ARL17B: variants seen among roughly 807,000 people sequenced by gnomAD.
The protein encoded by ARL17B is ADP-ribosylation factor-like protein 17.
At chr17:46,316,623 AT>A (rs1376455756) in intron 3 of ARL17B, among the ~76,000 whole-genome samples, 6 of 72,388 alleles carry the variant, frequency 8.3e-5, no homozygotes, top group African/African-American at 1.1e-4. Flanking sequence ...GTTTTTTTTA[AT>A]TTTTTTTTAT....
chr17:46,280,649 T>C (rs117338824), intron 4 of ARL17B, among the ~76,000 whole-genome samples: 15,752 of 143,768 alleles, frequency 0.11, no homozygotes, highest in Non-Finnish European at 0.17. Flanking sequence ...TCTTGGCTCA[T>C]TGCAGCCTCT....
chr17:46,317,134 C>A (rs1204835833), intron 3 of ARL17B, among the ~76,000 whole-genome samples: 1 of 89,152 alleles, frequency 1.1e-5, no homozygotes, highest in Non-Finnish European at 3.3e-5. Context: ...GGGTACACCT[C>A]CCAGATGGGG....
At chr17:46,282,412 TG>T (rs1238830305) in intron 4 of ARL17B, among the ~76,000 whole-genome samples, 15,413 of 143,956 alleles carry the variant, frequency 0.11, 1 homozygote, top group Non-Finnish European at 0.16. Flanking sequence ...CTCAGTTTTT[TG>T]TTTGTTTTTT....
In ARL17B at chr17:46,317,088, G is replaced by A. The variant is rs1208000612; in HGVS notation, c.260-17423C>T. Among the ~76,000 whole-genome samples the A allele has an allele frequency of 3.7e-4, 31 of 84,036 alleles. 2 individuals carry two copies. Among genetic ancestry groups the A allele is most frequent in the African/African-American group, 8.7e-4 (28 of 32,348 alleles). The allele number at this position is 84,036 out of a possible 152,430, so 55.1% of individuals were successfully genotyped here. A position where few individuals can be genotyped will look rare whatever the true frequency, so the allele number is the denominator to read the frequency against. ...TCCCCCTTTTCTATTCAACAAAACC[G>A]CCATTGTCATCATGGCCCGTTCTCA... is the stretch of plus-strand genomic sequence containing the variant. On this transcript the variant is annotated intron_variant, in intron 3 of 4. Transcript: ENST00000434041.
At chr17:46,334,586 A>G (rs2052194971), downstream of ARL17B, 1 of 36,772 alleles carries the variant, frequency 2.7e-5, no homozygotes, top group Admixed American at 3.0e-4. Flanking sequence ...CAGGCAGCTA[A>G]TTTAAAAAAT....
intron 3 of ARL17B, among the ~76,000 whole-genome samples, chr17:46,312,705 G>A (rs373316670): frequency 1.4e-5 from 1 of 69,642 alleles, no homozygotes. Context: ...GGTCTTACAA[G>A]TTTTCATGCC....
At position 46,323,508 on chromosome 17, in the gene ARL17B, T is replaced by C. The variant is rs1306501775; in HGVS notation, c.260-23843A>G. Among the ~76,000 whole-genome samples, 3 of 93,844 alleles carry C rather than the reference T, an allele frequency of 3.2e-5. 1 individual carries two copies. Among genetic ancestry groups the C allele is most frequent in the African/African-American group, 1.0e-4 (3 of 28,952 alleles). The allele number at this position is 93,844 out of a possible 152,430, so 61.6% of individuals were successfully genotyped here. On this transcript the variant is annotated intron_variant, in intron 3 of 4. Coordinates refer to the ARL17B transcript ENST00000434041. ...ACCTCCCAGGTTCAAGTGGTTCTCC[T>C]GCCTCAGCCTTCCGAGTAGCTGGGA...
intron 4 of ARL17B, among the ~76,000 whole-genome samples, chr17:46,277,655 T>TCCTTCC (rs2049628421): frequency 9.0e-6 from 1 of 111,630 alleles, no homozygotes; most frequent in Non-Finnish European, 2.4e-5. Context: ...CTTTCTTTCT[T>TCCTTCC]TTTTTTTTTT....
chr17:46,280,824 T>C (rs1296874853), intron 4 of ARL17B, among the ~76,000 whole-genome samples: 1 of 152,226 alleles, frequency 6.6e-6, no homozygotes, highest in Non-Finnish European at 1.5e-5. Flanking sequence ...TCCATCCGTC[T>C]TTGCCTTCCA....
At chr17:46,289,711 GATT>G (rs1341184723) in intron 4 of ARL17B, among the ~76,000 whole-genome samples, 1 of 152,132 alleles carries the variant, frequency 6.6e-6, no homozygotes, top group Non-Finnish European at 1.5e-5. Context: ...GTTTCATCAT[GATT>G]ATTTTTCTTC....
At chr17:46,332,830 G>T, downstream of ARL17B, 5 of 395,850 alleles carry the variant, frequency 1.3e-5, no homozygotes, top group South Asian at 2.3e-5. Flanking sequence ...GTATATTTCA[G>T]GATTTTTAAA....
chr17:46,275,798 A>G (rs1485142767), intron 4 of ARL17B, among the ~76,000 whole-genome samples: 3 of 152,234 alleles, frequency 2.0e-5, no homozygotes, highest in East Asian at 1.9e-4. Context: ...ATATAAAGGG[A>G]AAAATTATGC....
At chr17:46,286,051 C>A (rs1421676516) in intron 4 of ARL17B, among the ~76,000 whole-genome samples, 1 of 152,212 alleles carries the variant, frequency 6.6e-6, no homozygotes, top group Non-Finnish European at 1.5e-5. Context: ...ATGCAGCACC[C>A]ATGGTACCAA....
chr17:46,278,268 C>T (rs2696531), intron 4 of ARL17B, among the ~76,000 whole-genome samples: 1 of 151,312 alleles, frequency 6.6e-6, no homozygotes, highest in African/African-American at 2.4e-5. Flanking sequence ...TTATACTGCT[C>T]TTTCTTGTTT....
chr17:46,280,549 T>A (rs2049734565), intron 4 of ARL17B, among the ~76,000 whole-genome samples: 1 of 150,180 alleles, frequency 6.7e-6, no homozygotes, highest in African/African-American at 2.5e-5. Flanking sequence ...AAAATTTGTT[T>A]CCTTATTTTT....
intron 4 of ARL17B, among the ~76,000 whole-genome samples, chr17:46,281,163 T>C (rs2049752580): frequency 6.6e-6 from 1 of 152,216 alleles, no homozygotes; most frequent in Non-Finnish European, 1.5e-5. Context: ...GTGATGTATG[T>C]AGGAGTGAGT....
chr17:46,277,764 A>G (rs2696535), intron 4 of ARL17B, among the ~76,000 whole-genome samples: 17,914 of 148,326 alleles, frequency 0.12, 2 homozygotes, highest in Middle Eastern at 0.18. Flanking sequence ...TTCCTGCCTC[A>G]GCCTCCCGAG....
At chr17:46,323,431 C>CT (rs1296999685) in intron 3 of ARL17B, among the ~76,000 whole-genome samples, 1 of 101,550 alleles carries the variant, frequency 9.8e-6, no homozygotes, top group African/African-American at 3.2e-5. Context: ...GAATCTCACT[C>CT]TGTCGCCCAG....
In ARL17B at chr17:46,314,593, G is replaced by A. The variant is rs1305369630; in HGVS notation, c.260-14928C>T. On this transcript the variant is annotated intron_variant, in intron 3 of 4. Coordinates refer to the ARL17B transcript ENST00000434041. ...CTGCTTCAGCCTCCCAAAATGCTGGGATTACAGGCATGAGCTACCATGCCC... is the reference window on the plus strand; with the variant it reads ...CTGCTTCAGCCTCCCAAAATGCTGGAATTACAGGCATGAGCTACCATGCCC... Among the ~76,000 whole-genome samples, 3 of 75,582 alleles carry A rather than the reference G, an allele frequency of 4.0e-5. 1 individual carries two copies. In the Admixed American group the frequency reaches 4.2e-4, roughly 11 times the overall value. 49.6% of individuals were successfully genotyped at this position (75,582 alleles called of 152,430 possible).
Sources: allele counts gnomAD v4.1 joint callset (sites outside exome capture counted in the v4.1 genomes callset), GRCh38; gene constraint gnomAD v4.1.1; transcripts MANE v1.5; gene names NCBI Gene and HGNC (gene_info 2026-07-23, HGNC 2026-07-21).